AHNAK2: variants seen among roughly 807,000 people sequenced by gnomAD.
AHNAK2 encodes AHNAK nucleoprotein 2.
In AHNAK2, 18 loss-of-function variants were observed where a neutral mutation model predicts 30.7. That is an observed-to-expected ratio of 0.59 (90% confidence interval 0.41 to 0.87). The LOEUF (loss-of-function observed/expected upper bound fraction) is 0.87, where lower values mean the gene tolerates loss of function less well. AHNAK2 is among the 40% of genes least tolerant of loss of function. The pLI is 0.00. For synonymous variants in AHNAK2, 3,590 were observed against 3,073.8 expected (o/e 1.17, Z -5.56); for missense variants, 8,604 against 7,373.0 (o/e 1.17, Z -6.11).
In AHNAK2 at chr14:104,949,844, C is replaced by A. The variant is rs147709210; in HGVS notation, c.5607G>T (p.Thr1869=). Residue 1869 remains threonine (T), a synonymous_variant, in exon 7 of 7, where the codon ACG becomes ACT. Coordinates refer to ENST00000333244, the MANE Select transcript of AHNAK2 (RefSeq NM_138420.4). Reference sequence around the variant, plus strand: ...CAGAAGGGAGCGGAATGCAGAGGTCCGTGGTCTTGAGGTCCCCCTGCATGG... The same window carrying A: ...CAGAAGGGAGCGGAATGCAGAGGTCAGTGGTCTTGAGGTCCCCCTGCATGG... ...LPSMQGDLKT[T]DLCIPLPSAD... The A allele has an allele frequency of 9.7e-3, 15,395 of 1,580,212 alleles. 1,572 individuals are homozygous for A. The highest frequency in any genetic ancestry group is 0.022 in the East Asian group (963 of 44,054).
rs764728202 is a variant in AHNAK2, at chr14:104,953,236, C to T, written c.2215G>A (p.Val739Met). The T allele has an allele frequency of 6.2e-7, 1 of 1,613,178 alleles. No homozygotes were observed. The highest frequency in any genetic ancestry group is 1.3e-5 in the African/African-American group (1 of 74,656). ...GGGCCCTCCGGAAGTTTCACATCCA[C>T]TTGGCCATCCTGGACCTCCAGGTCA... ...SADLEVQDGQ[V>M]DVKLPEGPLP... Residue 739 changes from valine (V) to methionine (M), a missense_variant, in exon 7 of 7, where the codon GTG becomes ATG. Val to Met is a conservative substitution (Grantham distance 21). Coordinates refer to ENST00000333244, the MANE Select transcript of AHNAK2 (RefSeq NM_138420.4).
At position 104,940,730 on chromosome 14, in the gene AHNAK2, T is replaced by C. The variant is rs752195855; in HGVS notation, c.14721A>G (p.Pro4907=). The change falls in exon 7 of 7, where the codon CCA becomes CCG. Residue 4907 remains proline (P), a synonymous_variant. Transcript: ENST00000333244. This position sits in a 1 kb window ranked among gnomAD's most constrained non-coding sequence, Gnocchi z 4.4. The part of the protein sequence containing the change: ...SPGERVQCPL[P]STQLPSPGTC... ...TGCCTGGGGATGGCAGCTGGGTGCT[T>C]GGCAAGGGGCACTGCACTCTTTCTC... is the stretch of plus-strand genomic sequence containing the variant. The C allele has an allele frequency of 1.2e-6, 2 of 1,612,674 alleles. No individual in the cohort carries two copies. The highest frequency in any genetic ancestry group is 1.7e-6 in the Non-Finnish European group (2 of 1,179,724).
Position 104,944,995 on chromosome 14 carries a change from A to T in AHNAK2, c.10456T>A (p.Ser3486Thr). 2 of 1,612,516 alleles carry T rather than the reference A, an allele frequency of 1.2e-6. No individual in the cohort carries two copies. Among genetic ancestry groups the T allele is most frequent in the Non-Finnish European group, 1.7e-6 (2 of 1,179,456 alleles). The stretch of plus-strand genomic sequence containing the variant: ...GCCTCGATGGACCTGCCTGGGGCCG[A>T]CACCCCGAAGGAGGGCATCTTGAAC... ...PKFKMPSFGV[S>T]APGRSIEASL... Residue 3486 changes from serine (S) to threonine (T), a missense_variant, in exon 7 of 7, where the codon TCG becomes ACG. Coordinates refer to ENST00000333244, the MANE Select transcript of AHNAK2 (RefSeq NM_138420.4).
At chr14:104,975,108 G>A (rs539260403) in intron 1 of AHNAK2, among the ~76,000 whole-genome samples, 80 of 152,374 alleles carry the variant, frequency 5.3e-4, no homozygotes, top group Non-Finnish European at 9.4e-4. Context: ...GCCAAATGGA[G>A]AGAAGGCAAT....
rs751637638 is a variant in AHNAK2 at position 104,944,746 on chromosome 14, C to T, written c.10705G>A (p.Val3569Met). 2.5e-6 allele frequency: 4 copies of T among 1,612,332 alleles called. No homozygotes were observed. Among genetic ancestry groups the T allele is most frequent in the Admixed American group, 1.7e-5 (1 of 59,918 alleles). The change falls in exon 7 of 7, where the codon GTG (valine) becomes ATG (methionine). Residue 3569 changes from valine to methionine, a missense_variant. Val to Met is a conservative substitution (Grantham distance 21). Transcript: ENST00000333244. ...TCTATCTGGGGGCCCTTGAGGTCCA[C>T]TTTGGGCGTCTTTAAACTGGGCATC... Reference protein sequence around the residue: ...VEMPSLKTPKVDLKGPQIDVK... With the variant: ...VEMPSLKTPKMDLKGPQIDVK...
In AHNAK2 at chr14:104,966,583, G is replaced by A. The variant is rs901698299; in HGVS notation, c.56-8911C>T. Among the ~76,000 whole-genome samples the A allele has an allele frequency of 4.6e-5, 7 of 151,740 alleles. No homozygotes were observed. The highest frequency in any genetic ancestry group is 3.3e-4 in the Admixed American group (5 of 15,238). On this transcript the variant is annotated intron_variant, in intron 1 of 6. Coordinates refer to ENST00000333244, the MANE Select transcript of AHNAK2 (RefSeq NM_138420.4). The surrounding 1 kb of genome is among the most constrained non-coding windows in gnomAD (Gnocchi z 4.3). ...CAGACAGAACTTGGCCAGCCCCACCGCTCTGCCTCCCAGATGGCTGCCAAA... is the reference window on the plus strand; with the variant it reads ...CAGACAGAACTTGGCCAGCCCCACCACTCTGCCTCCCAGATGGCTGCCAAA...
In AHNAK2 at chr14:104,937,858, T is replaced by G; in HGVS notation, c.*205A>C. 1 of 536,580 alleles carries G rather than the reference T, an allele frequency of 1.9e-6. No homozygotes were observed. Among genetic ancestry groups the G allele is most frequent in the East Asian group, 3.1e-5 (1 of 32,434 alleles). The allele number at this position is 536,580 out of a possible 1,614,324, so 33.2% of individuals were successfully genotyped here. A position where few individuals can be genotyped will look rare whatever the true frequency, so the allele number is the denominator to read the frequency against. ...GGGTGCCTTCTTTGCATCCAAAGCT[T>G]TGAGGGAGCTGGGAAGCTTTGGTTC... On this transcript the variant is annotated 3_prime_UTR_variant, in exon 7 of 7. Transcript: ENST00000333244.
At chr14:104,968,750 G>A (rs1437453660) in intron 1 of AHNAK2, among the ~76,000 whole-genome samples, 5 of 152,180 alleles carry the variant, frequency 3.3e-5, no homozygotes, top group African/African-American at 4.8e-5. Context: ...TGGGAGGAAC[G>A]AATGGCCCAC....
At position 104,955,613 on chromosome 14, in the gene AHNAK2, C is replaced by T. The variant is rs1292190367; in HGVS notation, c.336G>A (p.Glu112=). 8 of 1,613,578 alleles carry T rather than the reference C, an allele frequency of 5.0e-6. No homozygotes were observed. Among genetic ancestry groups the T allele is most frequent in the Non-Finnish European group, 6.8e-6 (8 of 1,179,762 alleles). The part of the protein sequence containing the change: ...SRPEAVQEAT[E]VTLKTEVEAG... ...CCTCCACCTCTGTCTTCAGCGTCAC[C>T]TCTGTTGCCTCCTGGACAGCCTGGA... Residue 112 remains glutamate (E), a synonymous_variant, in exon 5 of 7, where the codon GAG becomes GAA. Coordinates refer to ENST00000333244, the MANE Select transcript of AHNAK2 (RefSeq NM_138420.4).
rs1320003849 is a variant in AHNAK2, at chr14:104,940,314, T to C, written c.15137A>G (p.Asp5046Gly). The C allele has an allele frequency of 2.5e-6, 4 of 1,613,804 alleles. No homozygotes were observed. Among genetic ancestry groups the C allele is most frequent in the Non-Finnish European group, 3.4e-6 (4 of 1,179,888 alleles). Residue 5046 changes from aspartate to glycine, a missense_variant, in exon 7 of 7, where the codon GAT (aspartate) becomes GGT (glycine). Transcript: ENST00000333244. The surrounding 1 kb of genome is among the most constrained non-coding windows in gnomAD (Gnocchi z 4.4). Reference protein sequence around the residue: ...SGVSLPQRDVDPSLSSATAGG... With the variant: ...SGVSLPQRDVGPSLSSATAGG... ...TGCTGTGGCACTAGAAAGGGAAGGA[T>C]CCACGTCTCTCTGTGGCAGGCTGAC...
Position 104,950,193 on chromosome 14 carries a change from T to C in AHNAK2, c.5258A>G (p.Lys1753Arg), listed in dbSNP as rs547937122. 2 of 1,585,446 alleles carry C rather than the reference T, an allele frequency of 1.3e-6. No individual in the cohort carries two copies. The highest frequency in any genetic ancestry group is 2.8e-5 in the African/African-American group (2 of 71,940). Reference sequence around the variant, plus strand: ...CATCTGGGGGCCCTTGAGGGCCACTTTGGGCATCTTCAAACTGGGCATCTG... The same window carrying C: ...CATCTGGGGGCCCTTGAGGGCCACTCTGGGCATCTTCAAACTGGGCATCTG... Reference protein sequence around the residue: ...KVQMPSLKMPKVALKGPQMDV... With the variant: ...KVQMPSLKMPRVALKGPQMDV... Residue 1753 changes from lysine to arginine, a missense_variant, in exon 7 of 7, where the codon AAA (lysine) becomes AGA (arginine). By Grantham distance (26) the Lys-to-Arg change is conservative. Coordinates refer to ENST00000333244, the MANE Select transcript of AHNAK2 (RefSeq NM_138420.4).
chr14:104,939,116 C>G lies in AHNAK2; in HGVS notation c.16335G>C (p.Gly5445=). Reference sequence around the variant, plus strand: ...GCAGGTTAAGGTCCACAGGCTGCTCCCCAGGGACCCCAGCACCTGCCTTCA... The same window carrying G: ...GCAGGTTAAGGTCCACAGGCTGCTCGCCAGGGACCCCAGCACCTGCCTTCA... ...SILKAGAGVP[G]EQPVDLNLPL... The change falls in exon 7 of 7, where the codon GGG becomes GGC. Residue 5445 remains glycine, a synonymous_variant. Coordinates refer to ENST00000333244, the MANE Select transcript of AHNAK2 (RefSeq NM_138420.4). 3.1e-6 allele frequency: 5 copies of G among 1,607,072 alleles called. No homozygotes were observed. Among genetic ancestry groups the G allele is most frequent in the Non-Finnish European group, 4.2e-6 (5 of 1,176,974 alleles).
At chr14:104,956,487 G>A in intron 4 of AHNAK2, 101 bp downstream of exon 4, 1 of 1,215,848 alleles carries the variant, frequency 8.2e-7, no homozygotes, top group Non-Finnish European at 1.2e-6. Flanking sequence ...CACACTGCCA[G>A]CCTCTTTGCT....
At chr14:104,968,826 C>T (rs961163885) in intron 1 of AHNAK2, among the ~76,000 whole-genome samples, 4 of 152,178 alleles carry the variant, frequency 2.6e-5, no homozygotes, top group Non-Finnish European at 5.9e-5. Context: ...GGTGCTAGGG[C>T]GTGTGTGCAC....
rs530032568 is a variant in AHNAK2 at position 104,949,885 on chromosome 14, C to T, written c.5566G>A (p.Glu1856Lys). The T allele has an allele frequency of 1.1e-4, 179 of 1,588,420 alleles. 18 individuals carry two copies. The South Asian group carries it at 1.7e-3, about 15-fold the overall frequency. ...CCCTGCATGGAGGGGAGGCTCACTT[C>T]GGCCTCCACCTTCGGCGCAGACACA... ...VDVSAPKVEA[E>K]VSLPSMQGDL... is the part of the protein sequence containing the mutation. The change falls in exon 7 of 7, where the codon GAA becomes AAA. Residue 1856 changes from glutamate (E) to lysine (K), a missense_variant. Physicochemically the swap from Glu to Lys is moderately conservative, Grantham distance 56. Coordinates refer to ENST00000333244, the MANE Select transcript of AHNAK2 (RefSeq NM_138420.4).
Position 104,945,054 on chromosome 14 carries a change from A to C in AHNAK2, c.10397T>G (p.Val3466Gly). The C allele has an allele frequency of 6.2e-7, 1 of 1,612,802 alleles. No individual in the cohort carries two copies. Among genetic ancestry groups the C allele is most frequent in the Non-Finnish European group, 8.5e-7 (1 of 1,179,574 alleles). The change falls in exon 7 of 7, where the codon GTG becomes GGG. Residue 3466 changes from valine to glycine, a missense_variant. Val to Gly is a moderately radical substitution (Grantham distance 109, BLOSUM62 -3). Transcript: ENST00000333244. ...EGDLSLAEKDVTAKDSKFKMP... is the reference protein window; with the variant it reads ...EGDLSLAEKDGTAKDSKFKMP... The stretch of plus-strand genomic sequence containing the variant: ...TTTGAACTTGCTGTCTTTGGCAGTC[A>C]CATCCTTTTCAGCCAGGGACAGGTC...
In AHNAK2 at chr14:104,942,835, G is replaced by C. The variant is rs537123619; in HGVS notation, c.12616C>G (p.Leu4206Val). The stretch of plus-strand genomic sequence containing the variant: ...CCTTTGAGGCCGGCTCCCTTGGGCA[G>C]GGGGCCCTCCGGGAGTTTCACGTCC... ...QVDVKLPEGP[L>V]PKGAGLKGHL... Residue 4206 changes from leucine to valine, a missense_variant, in exon 7 of 7, where the codon CTG (leucine) becomes GTG (valine). Leu to Val is a conservative substitution (Grantham distance 32, BLOSUM62 1). Transcript: ENST00000333244. 3.8e-4 allele frequency: 611 copies of C among 1,610,132 alleles called. 2 individuals are homozygous for C. The African/African-American group carries it at 7.0e-3, about 18-fold the overall frequency.
At chr14:104,967,825 G>A (rs1351401933) in intron 1 of AHNAK2, among the ~76,000 whole-genome samples, 4 of 152,148 alleles carry the variant, frequency 2.6e-5, no homozygotes, top group South Asian at 4.1e-4. Flanking sequence ...TCGGACCCGC[G>A]CCAGTCGGGA....
chr14:104,954,350 C>T lies in AHNAK2; in HGVS notation c.1101G>A (p.Glu367=), dbSNP rs1375595196. 6.2e-7 allele frequency: 1 copy of T among 1,613,482 alleles called. No individual in the cohort carries two copies. Among genetic ancestry groups the T allele is most frequent in the Non-Finnish European group, 8.5e-7 (1 of 1,179,878 alleles). ...EELGPWGDSL[E]ETGAATGSRR... is the part of the protein sequence containing the mutation. The stretch of plus-strand genomic sequence containing the variant: ...TGCTGCCTGTGGCAGCCCCAGTCTC[C>T]TCGAGGCTATCACCCCAGGGCCCCA... The change falls in exon 7 of 7, where the codon GAG becomes GAA. Residue 367 remains glutamate (E), a synonymous_variant. Coordinates refer to ENST00000333244, the MANE Select transcript of AHNAK2 (RefSeq NM_138420.4). This position sits in a 1 kb window ranked among gnomAD's most constrained non-coding sequence, Gnocchi z 4.3.
Sources: gnomAD v4.1 joint callset for allele counts (sites outside exome capture counted in the v4.1 genomes callset) on GRCh38, gnomAD v4.1.1 for gene constraint, Gnocchi (gnomAD v3.1) non-coding constraint, MANE v1.5 for transcripts, NCBI Gene and HGNC (gene_info 2026-07-23, HGNC 2026-07-21) for gene names.